The following HSPG2 variants were observed in gnomAD, a reference collection of about 807,000 sequenced individuals.
HSPG2 encodes the protein heparan sulfate proteoglycan 2, also known as basement membrane-specific heparan sulfate proteoglycan core protein.
A neutral mutation model predicts 526.6 loss-of-function variants in HSPG2; 278 were observed. The observed-to-expected ratio is 0.53, with a 90% CI of 0.48 to 0.58. The LOEUF (loss-of-function observed/expected upper bound fraction) is 0.58. Ranked by LOEUF, HSPG2 falls within the 20% of genes least tolerant of loss-of-function variation. The pLI is 0.00. For missense variants in HSPG2, 5,354 were observed against 6,099.5 expected (o/e 0.88, Z 4.07); for synonymous variants, 2,465 against 2,555.4 (o/e 0.96, Z 1.07).
Position 21,833,309 on chromosome 1 carries a change from T to C in HSPG2, c.11054A>G (p.Lys3685Arg), listed in dbSNP as rs1557681052. The C allele has an allele frequency of 6.2e-7, 1 of 1,614,132 alleles. No individual in the cohort carries two copies. Among genetic ancestry groups the C allele is most frequent in the East Asian group, 2.2e-5 (1 of 44,870 alleles). Reference protein sequence around the residue: ...PLPTIKDAYRKFEIKITFRPD... With the variant: ...PLPTIKDAYRRFEIKITFRPD... ...CCGGAAGGTGATCTTGATCTCGAAC[T>C]TCCTGTAGGCATCCTTGATGGTGGG... Residue 3685 changes from lysine to arginine, a missense_variant, in exon 80 of 97, where the codon AAG becomes AGG. Lys to Arg is a conservative substitution (Grantham distance 26, BLOSUM62 2). Coordinates refer to ENST00000374695, the MANE Select transcript of HSPG2 (RefSeq NM_005529.7).
Position 21,824,248 on chromosome 1 carries a change from G to T in HSPG2, c.12816-44C>A, listed in dbSNP as rs535694981. 4.3e-6 allele frequency: 7 copies of T among 1,610,854 alleles called. No individual in the cohort carries two copies. The highest frequency in any genetic ancestry group is 5.9e-6 in the Non-Finnish European group (7 of 1,177,446). On this transcript the variant is annotated intron_variant, in intron 94 of 96. Coordinates refer to ENST00000374695, the MANE Select transcript of HSPG2 (RefSeq NM_005529.7). The surrounding 1 kb of genome is among the most constrained non-coding windows in gnomAD (Gnocchi z 5.9). ...AAGAAGTATGAGCTGGGGCAGGACC[G>T]GGGGGTGGGGTGCTGGGACCAGGGA... is the stretch of plus-strand genomic sequence containing the variant.
At chr1:21,889,936 C>A (rs372963873) in intron 6 of HSPG2, 45 bp downstream of exon 6, 3 of 1,610,266 alleles carry the variant, frequency 1.9e-6, no homozygotes, top group Non-Finnish European at 1.7e-6. Context: ...AAAGGGGACC[C>A]CACGAGTCTG....
At position 21,828,346 on chromosome 1, in the gene HSPG2, G is replaced by T; in HGVS notation, c.12318C>A (p.Ser4106=). The T allele has an allele frequency of 6.2e-7, 1 of 1,613,792 alleles. No homozygotes were observed. Among genetic ancestry groups the T allele is most frequent in the Non-Finnish European group, 8.5e-7 (1 of 1,179,998 alleles). ...SQGIGQCYDS[S]PCERQPCQHG... Reference sequence around the variant, plus strand: ...GTTGGCAAGGCTGGCGCTCACATGGGGAGCTATCATAGCATTGCCCGATGC... The same window carrying T: ...GTTGGCAAGGCTGGCGCTCACATGGTGAGCTATCATAGCATTGCCCGATGC... Residue 4106 remains serine, a synonymous_variant, in exon 89 of 97, where the codon TCC becomes TCA. Coordinates refer to ENST00000374695, the MANE Select transcript of HSPG2 (RefSeq NM_005529.7). This position sits in a 1 kb window ranked among gnomAD's most constrained non-coding sequence, Gnocchi z 6.0.
Position 21,894,199 on chromosome 1 carries a change from G to C in HSPG2, c.244+1723C>G, listed in dbSNP as rs533330734. Among the ~76,000 whole-genome samples the C allele has an allele frequency of 2.6e-5, 4 of 152,214 alleles. No homozygotes were observed. In the South Asian group the frequency reaches 8.3e-4, roughly 32 times the overall value. ...ATCAGGGACGGGTCTTGACACACAG[G>C]GGGCTGGAGCTGAGCCAGGGAGCCA... On this transcript the variant is annotated intron_variant, in intron 3 of 96. Coordinates refer to ENST00000374695, the MANE Select transcript of HSPG2 (RefSeq NM_005529.7).
chr1:21,875,990 G>A lies in HSPG2; in HGVS notation c.3056C>T (p.Pro1019Leu), dbSNP rs62642528. 9.4e-3 allele frequency: 15,186 copies of A among 1,614,176 alleles called. 103 individuals are homozygous for A. The highest frequency in any genetic ancestry group is 0.023 in the Middle Eastern group (138 of 6,060). ...CTGCCCGTGCAGGGGTGTGGAGCCCGGCTGGGACCTCTGGGTCACTGTGAA... is the reference window on the plus strand; with the variant it reads ...CTGCCCGTGCAGGGGTGTGGAGCCCAGCTGGGACCTCTGGGTCACTGTGAA... ...LRFTVTQRSQ[P>L]GSTPLHGQPL... Residue 1019 changes from proline to leucine, a missense_variant, in exon 24 of 97, where the codon CCG becomes CTG. Pro to Leu is a moderately conservative substitution (Grantham distance 98). Transcript: ENST00000374695.
rs78248488 is a variant in HSPG2, at chr1:21,828,591, C to T, written c.12238-165G>A. Among the ~76,000 whole-genome samples the T allele has an allele frequency of 2.6e-5, 4 of 152,068 alleles. No individual in the cohort carries two copies. The highest frequency in any genetic ancestry group is 9.7e-5 in the African/African-American group (4 of 41,384). Reference sequence around the variant, plus strand: ...GGAGGGAGGCGCAGGAGTTGAGTGCCTACTGTGTGCTAGAAACATTCATCC... The same window carrying T: ...GGAGGGAGGCGCAGGAGTTGAGTGCTTACTGTGTGCTAGAAACATTCATCC... On this transcript the variant is annotated intron_variant, in intron 88 of 96. Transcript: ENST00000374695. This position sits in a 1 kb window ranked among gnomAD's most constrained non-coding sequence, Gnocchi z 6.0.
chr1:21,932,742 AAGG>A (rs1368337746), intron 1 of HSPG2, among the ~76,000 whole-genome samples: 2 of 152,174 alleles, frequency 1.3e-5, no homozygotes, highest in African/African-American at 4.8e-5. Context: ...CAGAGACCCT[AAGG>A]TGGGAGTGTG....
rs555463533 is a variant in HSPG2 at position 21,855,667 on chromosome 1, C to T, written c.5710G>A (p.Gly1904Ser). 1.1e-5 allele frequency: 18 copies of T among 1,575,704 alleles called. No homozygotes were observed. The highest frequency in any genetic ancestry group is 1.8e-5 in the Admixed American group (1 of 54,268). Residue 1904 changes from glycine (G) to serine (S), a missense_variant, in exon 46 of 97, where the codon GGC becomes AGC. Coordinates refer to ENST00000374695, the MANE Select transcript of HSPG2 (RefSeq NM_005529.7). ...TPTLEWTGGP[G>S]GQLPAKAQIH... ...TGTGCCTTCGCAGGGAGCTGGCCGC[C>T]GGGGCCCCCTGACGAGTAGACGTGG...
chr1:21,847,977 C>T lies in HSPG2; in HGVS notation c.7854G>A (p.Gln2618=). 2 of 1,613,840 alleles carry T rather than the reference C, an allele frequency of 1.2e-6. No individual in the cohort carries two copies. Among genetic ancestry groups the T allele is most frequent in the Non-Finnish European group, 1.7e-6 (2 of 1,180,022 alleles). ...TCTCACCGTGGGAGGAACCGCTGCC[C>T]TGGATGGTGACGATGAGCGAGGTCT... ...SRETSLIVTI[Q]GSGSSHVPSV... is the part of the protein sequence containing the mutation. Residue 2618 remains glutamine, a synonymous_variant, in exon 60 of 97, where the codon CAG becomes CAA. Transcript: ENST00000374695. The surrounding 1 kb of genome is among the most constrained non-coding windows in gnomAD (Gnocchi z 4.1).
intron 33 of HSPG2, among the ~76,000 whole-genome samples, chr1:21,868,065 GTCTTGC>G (rs1640378416): frequency 6.6e-6 from 1 of 150,598 alleles, no homozygotes; most frequent in Non-Finnish European, 1.5e-5. Context: ...TTGAGATGGA[GTCTTGC>G]TCTGTTGCCC....
At position 21,852,925 on chromosome 1, in the gene HSPG2, C is replaced by T; in HGVS notation, c.6585G>A (p.Arg2195=). 6.2e-7 allele frequency: 1 copy of T among 1,612,942 alleles called. No homozygotes were observed. The highest frequency in any genetic ancestry group is 8.5e-7 in the Non-Finnish European group (1 of 1,179,808). Residue 2195 remains arginine, a synonymous_variant, in exon 51 of 97, where the codon CGG becomes CGA. Coordinates refer to ENST00000374695, the MANE Select transcript of HSPG2 (RefSeq NM_005529.7). ...WHKRGGSLPA[R]HQTHGSLLRL... The stretch of plus-strand genomic sequence containing the variant: ...TCCCGGGGGGCTGCCATACCTGGTG[C>T]CGGGCAGGGAGGCTGCCCCCACGCT...
In HSPG2 at chr1:21,873,384, G is replaced by T. The variant is rs143321920; in HGVS notation, c.3784C>A (p.Pro1262Thr). The T allele has an allele frequency of 6.2e-7, 1 of 1,613,812 alleles. No homozygotes were observed. ...GYYGNPSQGQPCQRDSQVPGP... is the reference protein window; with the variant it reads ...GYYGNPSQGQTCQRDSQVPGP... The stretch of plus-strand genomic sequence containing the variant: ...CCCCAATCCTACTCACTCTGGCATG[G>T]CTGGCCCTGGCTGGGGTTGCCATAG... Residue 1262 changes from proline (P) to threonine (T), a missense_variant, in exon 30 of 97, where the codon CCA becomes ACA. Transcript: ENST00000374695.
chr1:21,831,685 C>G lies in HSPG2; in HGVS notation c.11319G>C (p.Val3773=), dbSNP rs778482217. 1 of 1,605,792 alleles carries G rather than the reference C, an allele frequency of 6.2e-7. No homozygotes were observed. The highest frequency in any genetic ancestry group is 8.5e-7 in the Non-Finnish European group (1 of 1,175,676). Residue 3773 remains valine, a synonymous_variant, in exon 82 of 97, where the codon GTG becomes GTC. Transcript: ENST00000374695. ...TCCCATTGACCGGGGCCAGGTCACC[C>G]ACAATCAGGGAGCCCTGGGTGAGGC... ...LRSLTQGSLI[V]GDLAPVNGTS...
chr1:21,907,751 C>T (rs901875421), intron 1 of HSPG2, among the ~76,000 whole-genome samples: 4 of 152,082 alleles, frequency 2.6e-5, no homozygotes, highest in Non-Finnish European at 5.9e-5. Flanking sequence ...TGGTTTCAAG[C>T]GATCCTCCTG....
rs148383386 is a variant in HSPG2 at position 21,842,799 on chromosome 1, G to A, written c.8881C>T (p.Arg2961Cys). 2.0e-5 allele frequency: 32 copies of A among 1,613,550 alleles called. No homozygotes were observed. The highest frequency in any genetic ancestry group is 4.5e-5 in the East Asian group (2 of 44,896). The change falls in exon 67 of 97, where the codon CGC (arginine) becomes TGC (cysteine). Residue 2961 changes from arginine to cysteine, a missense_variant. Physicochemically the swap from Arg to Cys is radical, Grantham distance 180. Coordinates refer to ENST00000374695, the MANE Select transcript of HSPG2 (RefSeq NM_005529.7). ...TGCCGGGCGGGGAGGCTGCCCCCGCGCTTGTACCACGTGACCTGGGCATGG... is the reference window on the plus strand; with the variant it reads ...TGCCGGGCGGGGAGGCTGCCCCCGCACTTGTACCACGTGACCTGGGCATGG... ...QAHAQVTWYK[R>C]GGSLPARHQT...
chr1:21,841,912 C>A, intron 69 of HSPG2, 90 bp downstream of exon 69: 2 of 1,553,114 alleles, frequency 1.3e-6, no homozygotes, highest in Admixed American at 1.7e-5. Context: ...TGTGGGGCGT[C>A]CAGACTTCTG....
At chr1:21,886,538 C>A (rs145115185) in intron 9 of HSPG2, among the ~76,000 whole-genome samples, 1 of 152,120 alleles carries the variant, frequency 6.6e-6, no homozygotes, top group African/African-American at 2.4e-5. Context: ...AGGCTTCTTG[C>A]GGGACAGGAC....
Position 21,831,235 on chromosome 1 carries a change from A to C in HSPG2, c.11542T>G (p.Cys3848Gly). 4 of 1,613,920 alleles carry C rather than the reference A, an allele frequency of 2.5e-6. No homozygotes were observed. Among genetic ancestry groups the C allele is most frequent in the Non-Finnish European group, 3.4e-6 (4 of 1,179,908 alleles). Residue 3848 changes from cysteine (C) to glycine (G), a missense_variant, in exon 84 of 97, where the codon TGT becomes GGT. Coordinates refer to ENST00000374695, the MANE Select transcript of HSPG2 (RefSeq NM_005529.7). Reference sequence around the variant, plus strand: ...GTCACCTGGCAGGGCCGGTCCCGACAGGTGGGGCAGTGGGAGATGCCGTGC... The same window carrying C: ...GTCACCTGGCAGGGCCGGTCCCGACCGGTGGGGCAGTGGGAGATGCCGTGC... ...TAHGISHCPT[C>G]RDRPCQNGGQ...
chr1:21,926,993 C>T (rs1045733458), intron 1 of HSPG2, among the ~76,000 whole-genome samples: 12 of 151,928 alleles, frequency 7.9e-5, no homozygotes, highest in South Asian at 4.2e-4. Context: ...AGGTGGGGGC[C>T]GGAGCCGGCT....
Sources: gnomAD v4.1 joint callset for allele counts (sites outside exome capture counted in the v4.1 genomes callset) on GRCh38, gnomAD v4.1.1 for gene constraint, Gnocchi (gnomAD v3.1) non-coding constraint, MANE v1.5 for transcripts, NCBI Gene and HGNC (gene_info 2026-07-23, HGNC 2026-07-21) for gene names.